Variants in YEATS4 observed in about 807,000 individuals in gnomAD.
YEATS4 encodes YEATS domain containing 4, also known as YEATS domain-containing protein 4.
YEATS4 carries 17 observed loss-of-function variants against 30.1 expected under a neutral mutation model. That is an observed-to-expected ratio of 0.56 (90% CI 0.39 to 0.85). YEATS4 has a LOEUF of 0.85. Among genes scored for constraint, YEATS4 ranks in the 40% least tolerant of loss-of-function variants. YEATS4 has a pLI of 0.00. For synonymous variants in YEATS4, 85 were observed against 87.5 expected, an observed-to-expected ratio of 0.97 and a Z score of 0.16; for missense variants, 142 against 268.3, an observed-to-expected ratio of 0.53 and a Z score of 3.29.
At chr12:69,396,340 T>G in the YEATS4 span, among the ~76,000 whole-genome samples, 1 of 152,198 alleles carries the variant, frequency 6.6e-6, no homozygotes, top group Non-Finnish European at 1.5e-5. Flanking sequence ...TTAAATGACT[T>G]TCAGAGTCAC....
the YEATS4 span, among the ~76,000 whole-genome samples, chr12:69,425,702 G>A: frequency 6.6e-6 from 1 of 152,276 alleles, no homozygotes; most frequent in African/African-American, 2.4e-5. Flanking sequence ...CACTCTTTGA[G>A]GTCTACTTGG....
At chr12:69,425,849 C>T in the YEATS4 span, among the ~76,000 whole-genome samples, 1 of 152,148 alleles carries the variant, frequency 6.6e-6, no homozygotes, top group Non-Finnish European at 1.5e-5. Flanking sequence ...AAGCTGTAGC[C>T]CGCTTCCTGA....
chr12:69,403,940 T>G, the YEATS4 span, among the ~76,000 whole-genome samples: 3 of 152,300 alleles, frequency 2.0e-5, no homozygotes, highest in Non-Finnish European at 4.4e-5. Flanking sequence ...TTTTTTTGTT[T>G]CTTTTTTTTC....
At chr12:69,389,698 A>T (rs1382926263) in intron 6 of YEATS4, among the ~76,000 whole-genome samples, 1 of 151,804 alleles carries the variant, frequency 6.6e-6, no homozygotes, top group East Asian at 2.0e-4. Flanking sequence ...TTTTTGATAG[A>T]GACGAGGTTT....
At position 69,366,967 on chromosome 12, in the gene YEATS4, T is replaced by C. The variant is rs780074778; in HGVS notation, c.333+1083T>C. ...AGAGTCTGATTCAGTAGGTTTGGAA[T>C]GGGGCCAGCACCCCAGGTGATTTTG... On this transcript the variant is annotated intron_variant, in intron 4 of 6. Coordinates refer to ENST00000247843, the MANE Select transcript of YEATS4 (RefSeq NM_006530.4). Among the ~76,000 whole-genome samples the C allele has an allele frequency of 2.1e-4, 32 of 152,206 alleles. 1 individual carries two copies. Among genetic ancestry groups the C allele is most frequent in the Non-Finnish European group, 1.6e-4 (11 of 68,030 alleles).
chr12:69,409,531 CGCT>C, the YEATS4 span, among the ~76,000 whole-genome samples: 1 of 151,446 alleles, frequency 6.6e-6, no homozygotes, highest in African/African-American at 2.4e-5. Flanking sequence ...GCAGGAGAAT[CGCT>C]TGAACTCGGG....
the YEATS4 span, among the ~76,000 whole-genome samples, chr12:69,421,798 A>G: frequency 6.6e-6 from 1 of 152,238 alleles, no homozygotes; most frequent in African/African-American, 2.4e-5. Flanking sequence ...GTTGCCATGT[A>G]GAAAAGGTGG....
the YEATS4 span, among the ~76,000 whole-genome samples, chr12:69,398,806 C>A: frequency 3.7e-5 from 5 of 136,816 alleles, no homozygotes; most frequent in East Asian, 5.9e-4. Context: ...CAGAACAAGA[C>A]CCTGTCTCAA....
chr12:69,373,586 C>T (rs1173446856), intron 6 of YEATS4, among the ~76,000 whole-genome samples: 1 of 151,750 alleles, frequency 6.6e-6, no homozygotes, highest in Non-Finnish European at 1.5e-5. Context: ...GTTGTCTCTT[C>T]ACTTTGTTGT....
intron 6 of YEATS4, among the ~76,000 whole-genome samples, chr12:69,380,519 G>C (rs1453425524): frequency 6.6e-6 from 1 of 152,134 alleles, no homozygotes; most frequent in Non-Finnish European, 1.5e-5. Flanking sequence ...CACCCCTTTA[G>C]CCACCACCAC....
At chr12:69,362,380 A>C (rs1198132593) in intron 1 of YEATS4, among the ~76,000 whole-genome samples, 2 of 152,212 alleles carry the variant, frequency 1.3e-5, no homozygotes, top group African/African-American at 4.8e-5. Flanking sequence ...TACCTCTCAC[A>C]AATTACTCCT....
the YEATS4 span, among the ~76,000 whole-genome samples, chr12:69,398,319 A>G: frequency 6.6e-6 from 1 of 151,910 alleles, no homozygotes; most frequent in African/African-American, 2.4e-5. Context: ...ACACACACAC[A>G]CACAAAAAAA....
At chr12:69,372,115 G>T (rs1875667679) in intron 6 of YEATS4, among the ~76,000 whole-genome samples, 1 of 152,104 alleles carries the variant, frequency 6.6e-6, no homozygotes, top group Non-Finnish European at 1.5e-5. Flanking sequence ...AACTATGAGG[G>T]CTTCAGATTA....
Position 69,387,291 on chromosome 12 carries a change from A to G in YEATS4, c.515-2856A>G, listed in dbSNP as rs143145618. ...TGCGAATTACAGAAATACTGTTTTT[A>G]ACCTTTCAGGTTAGGTAAGACCAAA... On this transcript the variant is annotated intron_variant, in intron 6 of 6. Coordinates refer to ENST00000247843, the MANE Select transcript of YEATS4 (RefSeq NM_006530.4). Among the ~76,000 whole-genome samples, 104 of 152,366 alleles carry G rather than the reference A, an allele frequency of 6.8e-4. 1 individual carries two copies. In the Middle Eastern group the frequency reaches 0.01, roughly 15 times the overall value.
At chr12:69,398,819 A>G in the YEATS4 span, among the ~76,000 whole-genome samples, 1 of 132,630 alleles carries the variant, frequency 7.5e-6, no homozygotes. Context: ...TGTCTCAAAA[A>G]AAAAAAAAAA....
chr12:69,412,564 A>G, the YEATS4 span, among the ~76,000 whole-genome samples: 1 of 152,090 alleles, frequency 6.6e-6, no homozygotes, highest in African/African-American at 2.4e-5. Flanking sequence ...GAGGCAGGAG[A>G]ATCACTTGAA....
chr12:69,365,614 CTA>C lies in YEATS4; in HGVS notation c.172-18_172-17del. 1 of 1,564,952 alleles carries C rather than the reference CTA, an allele frequency of 6.4e-7. No homozygotes were observed. The highest frequency in any genetic ancestry group is 1.1e-5 in the South Asian group (1 of 88,258). ...TTTCATTTGTAGATCATAAAACTAA[CTA>C]ATTCCTTATATTTTAGGATATGTCA... On this transcript the variant is annotated splice_polypyrimidine_tract_variant and intron_variant, in intron 2 of 6. Transcript: ENST00000247843.
Position 69,362,858 on chromosome 12 carries a change from A to AG in YEATS4, c.122_123insG (p.Asp41GlufsTer15), listed in dbSNP as rs767557260. On this transcript the variant is annotated frameshift_variant, in exon 2 of 7. Coordinates refer to ENST00000247843, the MANE Select transcript of YEATS4 (RefSeq NM_006530.4). LOFTEE classifies it high-confidence loss of function. The stretch of plus-strand genomic sequence containing the variant: ...TATTTTGGAAAGAAAAGAGAAGAAG[A>AG]TGGGCACACTCATCAGTGGACAGTA... 4.3e-6 allele frequency: 7 copies of AG among 1,612,558 alleles called. No individual in the cohort carries two copies. The highest frequency in any genetic ancestry group is 4.2e-6 in the Non-Finnish European group (5 of 1,179,130).
chr12:69,421,694 G>A, the YEATS4 span, among the ~76,000 whole-genome samples: 1 of 152,160 alleles, frequency 6.6e-6, no homozygotes, highest in Non-Finnish European at 1.5e-5. Flanking sequence ...CTAGGCGGCT[G>A]AAAATTCAAA....
Sources: allele counts gnomAD v4.1 joint callset (sites outside exome capture counted in the v4.1 genomes callset), GRCh38; gene constraint gnomAD v4.1.1; transcripts MANE v1.5; gene names NCBI Gene and HGNC (gene_info 2026-07-23, HGNC 2026-07-21).